Variants in PIEZO1 observed in about 807,000 individuals in gnomAD.
PIEZO1 encodes the protein piezo-type mechanosensitive ion channel component 1.
In PIEZO1, 296 loss-of-function variants were observed where a neutral mutation model predicts 297.2. That is an observed-to-expected ratio of 1.00 (90% CI 0.91 to 1.10). The LOEUF (loss-of-function observed/expected upper bound fraction) is 1.10, where lower values mean the gene tolerates loss of function less well. PIEZO1 is among the 50% of genes least tolerant of loss of function. PIEZO1 has a pLI of 0.00. For synonymous variants in PIEZO1, 2,427 were observed against 1,507.5 expected (o/e 1.61, Z -14.13); for missense variants, 5,018 against 3,455.5 (o/e 1.45, Z -11.34).
At chr16:88,728,377 C>T (rs938148590) in intron 22 of PIEZO1, among the ~76,000 whole-genome samples, 8 of 152,240 alleles carry the variant, frequency 5.3e-5, no homozygotes, top group South Asian at 2.1e-4. Context: ...GGGAACCTCG[C>T]GACACAAAAA....
intron 2 of PIEZO1, among the ~76,000 whole-genome samples, chr16:88,747,024 C>A (rs1310454424): frequency 2.0e-5 from 3 of 152,178 alleles, no homozygotes; most frequent in African/African-American, 7.2e-5. Context: ...CGCACTGGGC[C>A]CCTCCCAAAA....
At chr16:88,732,928 C>T in intron 19 of PIEZO1, 196 bp from the exon 20 acceptor site, 1 of 615,768 alleles carries the variant, frequency 1.6e-6, no homozygotes, top group Non-Finnish European at 2.8e-6. Context: ...CGGGCAGGGG[C>T]TGGGGGAGTG....
intron 21 of PIEZO1, 46 bp from the exon 22 acceptor site, chr16:88,731,956 G>GAGGGCGGGGTGTGGGGATGCACTGAGTCT (rs747246644): frequency 8.0e-5 from 23 of 287,668 alleles, no homozygotes; most frequent in African/African-American, 3.6e-4. Context: ...TGAGTCTGGG[G>GAGGGCGGGGTGTGGGGATGCACTGAGTCT]GGAGGGACTT....
At chr16:88,757,759 C>T (rs1003910814) in intron 1 of PIEZO1, among the ~76,000 whole-genome samples, 1 of 152,118 alleles carries the variant, frequency 6.6e-6, no homozygotes, top group Non-Finnish European at 1.5e-5. Context: ...CTTGGGTCCT[C>T]CCAACAACCT....
chr16:88,722,692 G>A lies in PIEZO1; in HGVS notation c.4669-3C>T, dbSNP rs780819304. 22 of 1,535,894 alleles carry A rather than the reference G, an allele frequency of 1.4e-5. No homozygotes were observed. Among genetic ancestry groups the A allele is most frequent in the Admixed American group, 2.0e-5 (1 of 50,948 alleles). ...ACGCCCCTGTGCACTTCGCCGCCCTGCAGGGCACAGCAGGGGGCTCAGGGC... is the reference window on the plus strand; with the variant it reads ...ACGCCCCTGTGCACTTCGCCGCCCTACAGGGCACAGCAGGGGGCTCAGGGC... On this transcript the variant is annotated splice_region_variant and splice_polypyrimidine_tract_variant and intron_variant, in intron 34 of 50. Transcript: ENST00000301015.
chr16:88,757,343 A>C (rs1427324971), intron 1 of PIEZO1, among the ~76,000 whole-genome samples: 1 of 138,316 alleles, frequency 7.2e-6, no homozygotes, highest in Admixed American at 7.5e-5. Flanking sequence ...GTAGTTACCT[A>C]ACCTGCCTGC....
chr16:88,742,198 A>G lies in PIEZO1; in HGVS notation c.283+102T>C, dbSNP rs1905723756. ...ACCTGGACCATCCAGGCCAGACATA[A>G]ATCAGGCTGAGTCAACCCCCCCAGG... On this transcript the variant is annotated intron_variant, in intron 3 of 50. Transcript: ENST00000301015. 8.0e-6 allele frequency: 12 copies of G among 1,502,562 alleles called. No individual in the cohort carries two copies. In the South Asian group the frequency reaches 1.2e-4, roughly 15 times the overall value. 93.1% of individuals were successfully genotyped at this position (1,502,562 alleles called of 1,614,324 possible).
intron 21 of PIEZO1, 52 bp from the exon 22 acceptor site, chr16:88,731,962 G>GGGGGTGTGGGGATGC: frequency 8.4e-6 from 1 of 118,602 alleles, no homozygotes; most frequent in Non-Finnish European, 2.0e-5. Context: ...TGGGGGGAGG[G>GGGGGTGTGGGGATGC]ACTTTCTTGT....
At chr16:88,718,267 CCG>C (rs1912192335) in intron 44 of PIEZO1, 3 of 153,190 alleles carry the variant, frequency 2.0e-5, no homozygotes, top group Admixed American at 1.3e-4. Flanking sequence ...TGTGGAGAAA[CCG>C]CAACCTCGTG....
chr16:88,719,515 T>G, intron 44 of PIEZO1, 59 bp downstream of exon 44: 2 of 1,487,092 alleles, frequency 1.3e-6, no homozygotes, highest in Admixed American at 2.0e-5. Context: ...AGTGCCTCTG[T>G]CTTAGGGAGA....
chr16:88,763,213 G>T (rs898748571), intron 1 of PIEZO1, among the ~76,000 whole-genome samples: 1 of 152,170 alleles, frequency 6.6e-6, no homozygotes, highest in African/African-American at 2.4e-5. Context: ...GGCGGCTCAG[G>T]GCACTTACGG....
intron 10 of PIEZO1, 83 bp from the exon 11 acceptor site, chr16:88,736,822 G>A (rs923641256): frequency 9.3e-6 from 8 of 857,140 alleles, no homozygotes; most frequent in African/African-American, 8.7e-5. Flanking sequence ...TCTGGGCCCT[G>A]GGCAAGCACA....
chr16:88,720,526 C>T lies in PIEZO1; in HGVS notation c.5808G>A (p.Gln1936=), dbSNP rs1178071520. 4 of 1,549,854 alleles carry T rather than the reference C, an allele frequency of 2.6e-6. No individual in the cohort carries two copies. Among genetic ancestry groups the T allele is most frequent in the African/African-American group, 1.4e-5 (1 of 73,036 alleles). Residue 1936 remains glutamine (Q), a synonymous_variant, in exon 41 of 51, where the codon CAG becomes CAA. Coordinates refer to ENST00000301015, the MANE Select transcript of PIEZO1 (RefSeq NM_001142864.4). ...AGCGCCGTAGCGGCCGATATGTGCC[C>T]TGGGCCCTGCGGAAGGGGGCGCTCA... The part of the protein sequence containing the change: ...RLQGFCLSLA[Q]GTYRPLRRFF...
chr16:88,716,684 C>G lies in PIEZO1; in HGVS notation c.6801G>C (p.Thr2267=), dbSNP rs762971243. ...ISQYSPEDIV[T]AQIEGSSGAL... ...CCCCGGAGCTGCCCTCAATCTGCGC[C>G]GTGACGATGTCCTCAGGGCTGTACT... The change falls in exon 47 of 51, where the codon ACG becomes ACC. Residue 2267 remains threonine (T), a synonymous_variant. Transcript: ENST00000301015. The G allele has an allele frequency of 9.0e-6, 14 of 1,549,066 alleles. No individual in the cohort carries two copies. Among genetic ancestry groups the G allele is most frequent in the Non-Finnish European group, 1.1e-5 (13 of 1,146,936 alleles).
chr16:88,722,965 G>T lies in PIEZO1; in HGVS notation c.4540C>A (p.Leu1514Met). The stretch of plus-strand genomic sequence containing the variant: ...ACTAGCGCCTGCCCCAGCATCCACA[G>T]GAACTGCGCCGTGCTCAGCACCCTC... ...VQRVLSTAQF[L>M]WMLGQALVDE... The change falls in exon 34 of 51, where the codon CTG (leucine) becomes ATG (methionine). Residue 1514 changes from leucine to methionine, a missense_variant. Leu to Met is a conservative substitution (Grantham distance 15, BLOSUM62 2). Transcript: ENST00000301015. The T allele has an allele frequency of 6.5e-7, 1 of 1,549,008 alleles. No homozygotes were observed. The highest frequency in any genetic ancestry group is 8.7e-7 in the Non-Finnish European group (1 of 1,146,776).
chr16:88,749,577 G>A lies in PIEZO1; in HGVS notation c.65-98C>T, dbSNP rs540369575. The A allele has an allele frequency of 1.0e-3, 924 of 922,794 alleles. 3 individuals are homozygous for A. Among genetic ancestry groups the A allele is most frequent in the Non-Finnish European group, 1.4e-3 (873 of 618,326 alleles). The allele number at this position is 922,794 out of a possible 1,614,324, so 57.2% of individuals were successfully genotyped here. A position where few individuals can be genotyped will look rare whatever the true frequency, so the allele number is the denominator to read the frequency against. On this transcript the variant is annotated intron_variant, in intron 1 of 50. Transcript: ENST00000301015. ...ACGGCCCAGCTCGTCACACCGCCGA[G>A]GCCGTGTGCCCTGTGAGTGCTGCCC... is the stretch of plus-strand genomic sequence containing the variant.
chr16:88,734,358 G>C lies in PIEZO1; in HGVS notation c.2178C>G (p.His726Gln). The change falls in exon 16 of 51, where the codon CAC becomes CAG. Residue 726 changes from histidine (H) to glutamine (Q), a missense_variant and splice_region_variant. Physicochemically the swap from His to Gln is conservative, Grantham distance 24. Transcript: ENST00000301015. ...GGACAGGGAGGGCGGGGCCGCACCT[G>C]TGAGCCCAGCGCGGGAGGCGCGTGC... ...LPGTRLPRWA[H>Q]RQDAVSGTPL... The C allele has an allele frequency of 6.5e-7, 1 of 1,528,578 alleles. No individual in the cohort carries two copies. Among genetic ancestry groups the C allele is most frequent in the Non-Finnish European group, 8.8e-7 (1 of 1,134,992 alleles). The allele number at this position is 1,528,578 out of a possible 1,614,324, so 94.7% of individuals were successfully genotyped here.
chr16:88,754,720 C>T lies in PIEZO1; in HGVS notation c.65-5241G>A, dbSNP rs976454544. ...TGAGCAGGGGGGCTCCGTGAAACAGCCGGTGCGGCCTGTGTGTGACCCCAC... is the reference window on the plus strand; with the variant it reads ...TGAGCAGGGGGGCTCCGTGAAACAGTCGGTGCGGCCTGTGTGTGACCCCAC... On this transcript the variant is annotated intron_variant, in intron 1 of 50. Coordinates refer to ENST00000301015, the MANE Select transcript of PIEZO1 (RefSeq NM_001142864.4). Among the ~76,000 whole-genome samples the T allele has an allele frequency of 2.6e-5, 4 of 152,358 alleles. No homozygotes were observed. The South Asian group carries it at 6.2e-4, about 24-fold the overall frequency.
Position 88,734,057 on chromosome 16 carries a change from G to C in PIEZO1, c.2181-3C>G, listed in dbSNP as rs544089461. The C allele has an allele frequency of 5.3e-6, 8 of 1,504,516 alleles. No homozygotes were observed. The highest frequency in any genetic ancestry group is 7.1e-6 in the Non-Finnish European group (8 of 1,119,472). The allele number at this position is 1,504,516 out of a possible 1,614,324, so 93.2% of individuals were successfully genotyped here. A position where few individuals can be genotyped will look rare whatever the true frequency, so the allele number is the denominator to read the frequency against. The stretch of plus-strand genomic sequence containing the variant: ...GGGTCCCACTCACTGCATCCTGCCT[G>C]GGAGAGGGTCCGAAAATGTCATCTC... On this transcript the variant is annotated splice_polypyrimidine_tract_variant and splice_region_variant and intron_variant, in intron 16 of 50. Transcript: ENST00000301015.
Sources: allele counts gnomAD v4.1 joint callset (sites outside exome capture counted in the v4.1 genomes callset), GRCh38; gene constraint gnomAD v4.1.1; transcripts MANE v1.5; gene names NCBI Gene and HGNC (gene_info 2026-07-23, HGNC 2026-07-21).